Variants in ANKRD45 observed in about 807,000 individuals in gnomAD.
ANKRD45 encodes ankyrin repeat domain 45.
In ANKRD45, 21 loss-of-function variants were observed where a neutral mutation model predicts 28.1. The ratio of observed to expected loss-of-function variants is 0.75; its 90% CI spans 0.53 to 1.08. The LOEUF is 1.08. ANKRD45 is among the 50% of genes least tolerant of loss of function. The probability of loss-of-function intolerance (pLI) is 0.00; values close to 1 mark genes in which losing one functional copy is unlikely to be tolerated. For synonymous variants in ANKRD45, 86 were observed against 103.9 expected, an observed-to-expected ratio of 0.83 and a Z score of 1.05; for missense variants, 261 against 308.7, an observed-to-expected ratio of 0.85 and a Z score of 1.16.
the ANKRD45 span, among the ~76,000 whole-genome samples, chr1:173,698,702 C>T: frequency 6.6e-6 from 1 of 151,984 alleles, no homozygotes; most frequent in Non-Finnish European, 1.5e-5. Flanking sequence ...CAATAAATGC[C>T]CACAAGAGAA....
chr1:173,609,885 A>G lies in ANKRD45; in HGVS notation c.*260T>C, dbSNP rs1402460158. The G allele has an allele frequency of 1.5e-5, 6 of 406,414 alleles. 1 individual carries two copies. Among genetic ancestry groups the G allele is most frequent in the Non-Finnish European group, 2.2e-5 (5 of 229,410 alleles). 25.2% of individuals were successfully genotyped at this position (406,414 alleles called of 1,614,324 possible). ...TCTGAGTAGTTCTTAAAGCCTCCAC[A>G]TGGTCTTCACGAATGATTTATACCC... On this transcript the variant is annotated 3_prime_UTR_variant, in exon 6 of 6. Coordinates refer to ENST00000333279, the MANE Select transcript of ANKRD45 (RefSeq NM_198493.3).
intron 5 of ANKRD45, among the ~76,000 whole-genome samples, chr1:173,611,677 C>A (rs983356837): frequency 6.6e-6 from 1 of 150,836 alleles, no homozygotes; most frequent in African/African-American, 2.4e-5. Flanking sequence ...GCTAAAACTA[C>A]AAAACTCTCA....
chr1:173,639,593 C>G (rs1476186820), intron 3 of ANKRD45, among the ~76,000 whole-genome samples: 1 of 152,142 alleles, frequency 6.6e-6, no homozygotes, highest in Non-Finnish European at 1.5e-5. Flanking sequence ...AATTTATACC[C>G]TAGCCAAGCA....
chr1:173,651,155 G>A (rs139513055), intron 2 of ANKRD45, among the ~76,000 whole-genome samples: 10,362 of 152,188 alleles, frequency 0.068, 1,244 homozygotes, highest in African/African-American at 0.24. Context: ...TTTTAGTCAT[G>A]AAGTCCTTGC....
At chr1:173,704,799 C>G in the ANKRD45 span, among the ~76,000 whole-genome samples, 2 of 152,206 alleles carry the variant, frequency 1.3e-5, no homozygotes, top group Non-Finnish European at 2.9e-5. Context: ...GAAGCATATT[C>G]TGAGATGGAG....
chr1:173,682,616 T>G, the ANKRD45 span, among the ~76,000 whole-genome samples: 4,100 of 150,360 alleles, frequency 0.027, 199 homozygotes, highest in African/African-American at 0.097. Flanking sequence ...AAAAAAAAGC[T>G]TTTGCTCAAA....
chr1:173,688,449 C>T, the ANKRD45 span, among the ~76,000 whole-genome samples: 2 of 117,700 alleles, frequency 1.7e-5, no homozygotes, highest in African/African-American at 3.4e-5. Flanking sequence ...TCTGCCTCTT[C>T]CTCTACCTCT....
chr1:173,615,825 C>T (rs891523944), intron 5 of ANKRD45, among the ~76,000 whole-genome samples: 8 of 151,960 alleles, frequency 5.3e-5, no homozygotes, highest in African/African-American at 1.9e-4. Flanking sequence ...AAATTTGGGC[C>T]GGGCACGGTG....
chr1:173,622,808 G>C (rs1256179786), intron 5 of ANKRD45, among the ~76,000 whole-genome samples: 1 of 152,098 alleles, frequency 6.6e-6, no homozygotes, highest in Non-Finnish European at 1.5e-5. Context: ...TTGACAAATA[G>C]GATCTAATTA....
the ANKRD45 span, among the ~76,000 whole-genome samples, chr1:173,710,578 T>G: frequency 6.6e-6 from 1 of 152,162 alleles, no homozygotes; most frequent in Admixed American, 6.5e-5. Flanking sequence ...GTTGTACACA[T>G]GCTCACTTGA....
intron 1 of ANKRD45, among the ~76,000 whole-genome samples, chr1:173,663,864 C>T (rs1669893109): frequency 6.6e-6 from 1 of 152,044 alleles, no homozygotes; most frequent in African/African-American, 2.4e-5. Flanking sequence ...AATAGAGTAT[C>T]CACATAATTT....
chr1:173,694,417 G>C, the ANKRD45 span, among the ~76,000 whole-genome samples: 1 of 151,986 alleles, frequency 6.6e-6, no homozygotes, highest in Non-Finnish European at 1.5e-5. Flanking sequence ...ACCCGCCTCA[G>C]TCTCCCAAAG....
At chr1:173,639,220 C>T (rs756745866) in intron 3 of ANKRD45, among the ~76,000 whole-genome samples, 1 of 152,128 alleles carries the variant, frequency 6.6e-6, no homozygotes, top group Non-Finnish European at 1.5e-5. Context: ...ATCTAGTCCA[C>T]AAAGAACTAA....
chr1:173,613,778 G>C (rs1435572874), intron 5 of ANKRD45, among the ~76,000 whole-genome samples: 1 of 152,214 alleles, frequency 6.6e-6, no homozygotes, highest in African/African-American at 2.4e-5. Flanking sequence ...GTACCCAACA[G>C]CTCATTGAGA....
At position 173,640,163 on chromosome 1, in the gene ANKRD45, A is replaced by AT. The variant is rs372716153; in HGVS notation, c.496+6682dup. Among the ~76,000 whole-genome samples, 253 of 152,258 alleles carry AT rather than the reference A, an allele frequency of 1.7e-3. 1 individual carries two copies. Among genetic ancestry groups the AT allele is most frequent in the African/African-American group, 5.7e-3 (235 of 41,560 alleles). On this transcript the variant is annotated intron_variant, in intron 3 of 5. Coordinates refer to ENST00000333279, the MANE Select transcript of ANKRD45 (RefSeq NM_198493.3). ...ATGTTATATGGATTGCCTTATTTACATTCCTAAGCTGATGTTCCTGTGTTT... is the reference window on the plus strand; with the variant it reads ...ATGTTATATGGATTGCCTTATTTACATTTCCTAAGCTGATGTTCCTGTGTTT...
intron 5 of ANKRD45, among the ~76,000 whole-genome samples, chr1:173,623,878 A>G (rs1667810979): frequency 6.8e-6 from 1 of 147,196 alleles, no homozygotes; most frequent in African/African-American, 2.5e-5. Context: ...CAAACACTGT[A>G]TGTTCTCACT....
At chr1:173,656,933 C>T (rs1669546302) in intron 2 of ANKRD45, among the ~76,000 whole-genome samples, 2 of 150,166 alleles carry the variant, frequency 1.3e-5, no homozygotes, top group African/African-American at 4.9e-5. Context: ...TGCCTGTAAT[C>T]CCAGCACTTT....
chr1:173,657,189 G>A (rs1354759029), intron 2 of ANKRD45, among the ~76,000 whole-genome samples: 1 of 151,600 alleles, frequency 6.6e-6, no homozygotes, highest in Non-Finnish European at 1.5e-5. Context: ...AAGCTCGGCT[G>A]GGCGCGGTGA....
the ANKRD45 span, among the ~76,000 whole-genome samples, chr1:173,698,094 A>C: frequency 6.6e-6 from 1 of 152,240 alleles, no homozygotes; most frequent in Non-Finnish European, 1.5e-5. Flanking sequence ...TAAAGGGATC[A>C]ATTCAACAAG....
Sources: allele counts gnomAD v4.1 joint callset (sites outside exome capture counted in the v4.1 genomes callset), GRCh38; gene constraint gnomAD v4.1.1; transcripts MANE v1.5; gene names NCBI Gene and HGNC (gene_info 2026-07-23, HGNC 2026-07-21).